The following NKAIN2 variants were observed in gnomAD, a reference collection of about 807,000 sequenced individuals.
NKAIN2 encodes the protein sodium/potassium transporting ATPase interacting 2.
NKAIN2 carries 14 observed loss-of-function variants against 32.6 expected under a neutral mutation model. That is an observed-to-expected ratio of 0.43 (90% CI 0.28 to 0.67). The LOEUF (loss-of-function observed/expected upper bound fraction) is 0.67, where lower values mean the gene tolerates loss of function less well. NKAIN2 is among the 30% of genes least tolerant of loss of function. The pLI, the probability that NKAIN2 is intolerant of heterozygous loss-of-function variation, is 0.17. For synonymous variants in NKAIN2, 80 were observed against 87.2 expected (o/e 0.92, Z 0.46); for missense variants, 198 against 258.3 (o/e 0.77, Z 1.60).
chr6:123,808,294 G>C (rs918271748), intron 1 of NKAIN2, among the ~76,000 whole-genome samples: 4 of 152,132 alleles, frequency 2.6e-5, no homozygotes, highest in African/African-American at 9.7e-5. Flanking sequence ...AGATGCCATT[G>C]ATGATAAAAT....
intron 4 of NKAIN2, among the ~76,000 whole-genome samples, chr6:124,697,372 A>AT (rs1439362944): frequency 9.2e-5 from 14 of 152,294 alleles, no homozygotes; most frequent in South Asian, 4.1e-4. Flanking sequence ...TACTCAACAG[A>AT]TTTTTTAATC....
chr6:124,344,963 G>A (rs1220967690), intron 2 of NKAIN2, among the ~76,000 whole-genome samples: 2 of 152,190 alleles, frequency 1.3e-5, no homozygotes, highest in Non-Finnish European at 2.9e-5. Context: ...GATATTGGCT[G>A]TGGTTTTGTC....
At chr6:123,898,887 G>C (rs1774418784) in intron 1 of NKAIN2, among the ~76,000 whole-genome samples, 1 of 152,188 alleles carries the variant, frequency 6.6e-6, no homozygotes, top group African/African-American at 2.4e-5. Context: ...GGCTTCCCCT[G>C]TTAGCCTCTC....
chr6:124,822,633 G>C (rs1345591665), intron 6 of NKAIN2, among the ~76,000 whole-genome samples: 1 of 152,130 alleles, frequency 6.6e-6, no homozygotes, highest in East Asian at 1.9e-4. Flanking sequence ...TTTTTCAGAT[G>C]ATGTATAACT....
intron 3 of NKAIN2, among the ~76,000 whole-genome samples, chr6:124,359,609 T>G (rs1799170391): frequency 6.6e-6 from 1 of 152,176 alleles, no homozygotes. Context: ...TTGTGATTTT[T>G]GCACATTCAT....
chr6:124,648,896 G>C (rs1181370511), intron 3 of NKAIN2, among the ~76,000 whole-genome samples: 12 of 152,112 alleles, frequency 7.9e-5, no homozygotes, highest in Non-Finnish European at 1.6e-4. Flanking sequence ...TAGCACATGG[G>C]TCAAGAATAA....
At chr6:124,367,765 T>C (rs1799586041) in intron 3 of NKAIN2, among the ~76,000 whole-genome samples, 1 of 152,098 alleles carries the variant, frequency 6.6e-6, no homozygotes, top group Non-Finnish European at 1.5e-5. Context: ...TACATCTTGA[T>C]AATTGCGCAT....
intron 1 of NKAIN2, among the ~76,000 whole-genome samples, chr6:124,201,311 GGT>G (rs1400300005): frequency 6.6e-6 from 1 of 151,820 alleles, no homozygotes; most frequent in Non-Finnish European, 1.5e-5. Context: ...ATGCATTAAT[GGT>G]TCTCTTTAAA....
At chr6:124,476,323 C>T (rs369682672) in intron 3 of NKAIN2, among the ~76,000 whole-genome samples, 2 of 149,090 alleles carry the variant, frequency 1.3e-5, no homozygotes, top group African/African-American at 4.9e-5. Context: ...CATTCAGAAG[C>T]GTCATTACCT....
intron 4 of NKAIN2, among the ~76,000 whole-genome samples, chr6:124,706,966 A>T (rs1291668257): frequency 6.6e-6 from 1 of 151,374 alleles, no homozygotes; most frequent in Non-Finnish European, 1.5e-5. Flanking sequence ...GCATTAGTAT[A>T]TCTCCCAATG....
chr6:124,456,557 A>C (rs1214833614), intron 3 of NKAIN2, among the ~76,000 whole-genome samples: 1 of 151,908 alleles, frequency 6.6e-6, no homozygotes, highest in Non-Finnish European at 1.5e-5. Flanking sequence ...TTATAGTTTC[A>C]CTTCAGAATT....
intron 1 of NKAIN2, among the ~76,000 whole-genome samples, chr6:123,844,696 G>A (rs1775018919): frequency 6.6e-6 from 1 of 152,194 alleles, no homozygotes; most frequent in Non-Finnish European, 1.5e-5. Flanking sequence ...AACCAATCCA[G>A]ATTGATGGCA....
intron 1 of NKAIN2, among the ~76,000 whole-genome samples, chr6:123,958,120 A>G (rs538619402): frequency 4.6e-5 from 7 of 152,280 alleles, no homozygotes; most frequent in African/African-American, 1.7e-4. Flanking sequence ...AAAGAAGAGC[A>G]GTTTTAGGGT....
chr6:124,248,344 A>C (rs998208416), intron 1 of NKAIN2, among the ~76,000 whole-genome samples: 1 of 152,074 alleles, frequency 6.6e-6, no homozygotes. Context: ...GCGATTGTAC[A>C]TAAATGCCTT....
In NKAIN2 at chr6:124,256,948, G is replaced by A. The variant is rs539486662; in HGVS notation, c.55-26057G>A. Among the ~76,000 whole-genome samples the A allele has an allele frequency of 1.2e-4, 16 of 132,046 alleles. No individual in the cohort carries two copies. In the South Asian group the frequency reaches 3.8e-3, roughly 31 times the overall value. The allele number at this position is 132,046 out of a possible 152,430, so 86.6% of individuals were successfully genotyped here. On this transcript the variant is annotated intron_variant, in intron 1 of 6. Transcript: ENST00000368417. ...ATGACAACTGATATACAAACAACGT[G>A]CAAAAGCTATAACTTCTTTTGGAAG...
chr6:124,371,741 T>TAA (rs1323391459), intron 3 of NKAIN2, among the ~76,000 whole-genome samples: 1 of 150,882 alleles, frequency 6.6e-6, no homozygotes, highest in Non-Finnish European at 1.5e-5. Context: ...GAGTGTAAGT[T>TAA]AAGTTTTAGC....
At chr6:124,495,530 G>A (rs1778030642) in intron 3 of NKAIN2, among the ~76,000 whole-genome samples, 2 of 152,034 alleles carry the variant, frequency 1.3e-5, no homozygotes, top group South Asian at 4.1e-4. Context: ...TATGGCCTGA[G>A]ATCATGTAAT....
chr6:124,638,070 A>G (rs1783838983), intron 3 of NKAIN2, among the ~76,000 whole-genome samples: 2 of 152,214 alleles, frequency 1.3e-5, no homozygotes, highest in African/African-American at 4.8e-5. Flanking sequence ...TGGCACATAG[A>G]CCAGTGGAAC....
intron 3 of NKAIN2, among the ~76,000 whole-genome samples, chr6:124,359,758 C>T (rs1413251593): frequency 3.9e-5 from 6 of 152,100 alleles, no homozygotes; most frequent in Non-Finnish European, 8.8e-5. Context: ...ATTGAATACC[C>T]TTTATTTGCT....
Sources: gnomAD v4.1 joint callset for allele counts (sites outside exome capture counted in the v4.1 genomes callset) on GRCh38, gnomAD v4.1.1 for gene constraint, MANE v1.5 for transcripts, NCBI Gene and HGNC (gene_info 2026-07-23, HGNC 2026-07-21) for gene names.